HEMK2: variants seen among roughly 807,000 people sequenced by gnomAD.
HEMK2 encodes methyltransferase HEMK2.
chr21:28,881,467 G>A, the HEMK2 span, among the ~76,000 whole-genome samples: 3 of 152,054 alleles, frequency 2.0e-5, no homozygotes, highest in African/African-American at 4.8e-5. Flanking sequence ...TCTTTCCTTG[G>A]GAAGGTGTTC....
At chr21:28,587,175 C>CA in the HEMK2 span, among the ~76,000 whole-genome samples, 166 of 144,178 alleles carry the variant, frequency 1.2e-3, 1 homozygote, top group East Asian at 1.3e-3. Flanking sequence ...AGGAAATAAA[C>CA]AAAAAAAAAA....
chr21:28,780,824 C>A, the HEMK2 span, among the ~76,000 whole-genome samples: 194 of 152,280 alleles, frequency 1.3e-3, 5 homozygotes, highest in East Asian at 0.028. Context: ...TTCAACCCCC[C>A]CTCCTGGTGG....
chr21:28,882,310 G>A, the HEMK2 span: 1 of 1,248,350 alleles, frequency 8.0e-7, no homozygotes, highest in Non-Finnish European at 1.2e-6. Context: ...CTGTTACTGA[G>A]TAATATCAAG....
the HEMK2 span, among the ~76,000 whole-genome samples, chr21:28,621,389 T>C: frequency 6.6e-6 from 1 of 152,232 alleles, no homozygotes; most frequent in Non-Finnish European, 1.5e-5. Flanking sequence ...GTGAGTTTCT[T>C]AATCCTGAGT....
the HEMK2 span, among the ~76,000 whole-genome samples, chr21:28,868,262 T>C: frequency 6.6e-6 from 1 of 152,226 alleles, no homozygotes; most frequent in Non-Finnish European, 1.5e-5. Context: ...GTTCCGGTTT[T>C]ATGAAAAACA....
chr21:28,854,693 T>C, the HEMK2 span, among the ~76,000 whole-genome samples: 1 of 152,184 alleles, frequency 6.6e-6, no homozygotes, highest in Non-Finnish European at 1.5e-5. Flanking sequence ...AGGAGAAAGA[T>C]GCAGGCTGGG....
the HEMK2 span, among the ~76,000 whole-genome samples, chr21:28,706,751 C>T: frequency 1.3e-5 from 2 of 150,990 alleles, no homozygotes; most frequent in Non-Finnish European, 2.9e-5. Flanking sequence ...TATTTGGAGG[C>T]TAAATATGGA....
At chr21:28,812,220 A>G in the HEMK2 span, among the ~76,000 whole-genome samples, 1 of 152,204 alleles carries the variant, frequency 6.6e-6, no homozygotes, top group Non-Finnish European at 1.5e-5. Flanking sequence ...TCCCAGAGTT[A>G]TTTAATATTG....
the HEMK2 span, among the ~76,000 whole-genome samples, chr21:28,681,336 A>G: frequency 6.6e-6 from 1 of 152,170 alleles, no homozygotes; most frequent in African/African-American, 2.4e-5. Flanking sequence ...TAGGAATCCA[A>G]TTTACAAGGG....
At chr21:28,705,808 A>G in the HEMK2 span, among the ~76,000 whole-genome samples, 1 of 152,104 alleles carries the variant, frequency 6.6e-6, no homozygotes, top group Non-Finnish European at 1.5e-5. Flanking sequence ...GAGACTTTCC[A>G]CATTCCATGA....
At chr21:28,855,679 T>C in the HEMK2 span, among the ~76,000 whole-genome samples, 2 of 152,148 alleles carry the variant, frequency 1.3e-5, no homozygotes, top group Non-Finnish European at 2.9e-5. Context: ...CAGACCACAG[T>C]CCAATGAAAA....
At chr21:28,739,422 G>A in the HEMK2 span, among the ~76,000 whole-genome samples, 2 of 152,072 alleles carry the variant, frequency 1.3e-5, no homozygotes, top group African/African-American at 2.4e-5. Context: ...AATATAATAT[G>A]GTATAGATAA....
the HEMK2 span, among the ~76,000 whole-genome samples, chr21:28,667,610 T>A: frequency 2.0e-5 from 3 of 152,074 alleles, no homozygotes; most frequent in African/African-American, 7.2e-5. Flanking sequence ...TATCAAAACA[T>A]CTCATGTAAC....
the HEMK2 span, among the ~76,000 whole-genome samples, chr21:28,696,042 C>A: frequency 1.3e-5 from 2 of 152,136 alleles, no homozygotes; most frequent in Non-Finnish European, 2.9e-5. Flanking sequence ...ACAATCACAG[C>A]AAAAGGCAAA....
At chr21:28,837,902 C>T in the HEMK2 span, among the ~76,000 whole-genome samples, 3 of 152,152 alleles carry the variant, frequency 2.0e-5, no homozygotes, top group East Asian at 1.9e-4. Flanking sequence ...TTCAAGGCCA[C>T]TATGAACACC....
At chr21:28,869,040 TA>T in the HEMK2 span, among the ~76,000 whole-genome samples, 3 of 152,072 alleles carry the variant, frequency 2.0e-5, no homozygotes, top group African/African-American at 7.2e-5. Flanking sequence ...GGAGTGGTAA[TA>T]GGTGGCAATT....
the HEMK2 span, among the ~76,000 whole-genome samples, chr21:28,677,763 C>G: frequency 6.6e-6 from 1 of 152,206 alleles, no homozygotes; most frequent in Admixed American, 6.5e-5. Flanking sequence ...CTGCAGCCTC[C>G]GCTGCTGATA....
chr21:28,611,490 T>C, the HEMK2 span, among the ~76,000 whole-genome samples: 12 of 152,180 alleles, frequency 7.9e-5, no homozygotes, highest in South Asian at 1.2e-3. Context: ...CTAGAGGAGA[T>C]AGATAAATGC....
the HEMK2 span, among the ~76,000 whole-genome samples, chr21:28,677,864 C>T: frequency 3.3e-5 from 5 of 152,172 alleles, no homozygotes; most frequent in Non-Finnish European, 7.4e-5. Flanking sequence ...AACTAACAAA[C>T]AGAAAGGACA....
Sources: allele counts gnomAD v4.1 joint callset (sites outside exome capture counted in the v4.1 genomes callset), GRCh38; gene constraint gnomAD v4.1.1; transcripts MANE v1.5; gene names NCBI Gene and HGNC (gene_info 2026-07-23, HGNC 2026-07-21).